CPVL: variants seen among roughly 807,000 people sequenced by gnomAD.
The protein encoded by CPVL is carboxypeptidase vitellogenic like, also known as probable serine carboxypeptidase CPVL.
A neutral mutation model predicts 63.7 loss-of-function variants in CPVL; 51 were observed. That is an observed-to-expected ratio of 0.80 (90% CI 0.64 to 1.01). The LOEUF is 1.01. Ranked by LOEUF, CPVL falls within the 50% of genes least tolerant of loss-of-function variation. CPVL has a pLI of 0.00. For synonymous variants in CPVL, 195 were observed against 206.0 expected, an observed-to-expected ratio of 0.95 and a Z score of 0.46; for missense variants, 530 against 573.1, an observed-to-expected ratio of 0.92 and a Z score of 0.77.
intron 7 of CPVL, among the ~76,000 whole-genome samples, chr7:29,074,638 G>C (rs950395578): frequency 6.6e-6 from 1 of 151,722 alleles, no homozygotes; most frequent in African/African-American, 2.4e-5. Flanking sequence ...GGATCATGGG[G>C]GCAGTTTCCC....
chr7:29,172,621 A>G (rs1796749108), intron 5 of CPVL, among the ~76,000 whole-genome samples: 1 of 152,234 alleles, frequency 6.6e-6, no homozygotes, highest in Non-Finnish European at 1.5e-5. Flanking sequence ...AAAGCTTAGT[A>G]AAGTCCATCT....
intron 12 of CPVL, among the ~76,000 whole-genome samples, chr7:29,000,425 C>T (rs1321779452): frequency 4.0e-5 from 6 of 150,836 alleles, no homozygotes; most frequent in Admixed American, 2.0e-4. Flanking sequence ...ATGCAGGAGG[C>T]GTGGAAATGC....
At chr7:29,010,142 C>T (rs1785663414) in intron 12 of CPVL, 1 of 152,144 alleles carries the variant, frequency 6.6e-6, no homozygotes, top group African/African-American at 2.4e-5. Flanking sequence ...TCTAAGATGA[C>T]AGAGCCGGTG....
intron 12 of CPVL, chr7:29,011,621 C>T (rs1644138915): frequency 6.6e-6 from 1 of 152,134 alleles, no homozygotes; most frequent in African/African-American, 2.4e-5. Flanking sequence ...TGCATCCACA[C>T]ATATACATAG....
intron 5 of CPVL, among the ~76,000 whole-genome samples, chr7:29,176,835 G>A (rs1361569351): frequency 6.6e-6 from 1 of 152,160 alleles, no homozygotes; most frequent in Non-Finnish European, 1.5e-5. Flanking sequence ...GAAAGGGAAA[G>A]CAACCTCTTG....
In CPVL at chr7:29,069,769, AATGTGTGTGTGT is replaced by A. The variant is rs1180920406; in HGVS notation, c.864+1992_864+2003del. ...TCGGCATCCTCTCCACTCACCAGTA[AATGTGTGTGTGT>A]GTGTGTGTGTGTGTGTGTGTGTGTG... On this transcript the variant is annotated intron_variant, in intron 9 of 12. Transcript: ENST00000265394. Among the ~76,000 whole-genome samples, 99 of 114,768 alleles carry A rather than the reference AATGTGTGTGTGT, an allele frequency of 8.6e-4. 1 individual carries two copies. In the Middle Eastern group the frequency reaches 0.027, roughly 31 times the overall value. 75.3% of individuals were successfully genotyped at this position (114,768 alleles called of 152,430 possible). A position where few individuals can be genotyped will look rare whatever the true frequency, so the allele number is the denominator to read the frequency against.
At chr7:29,072,452 A>T (rs746658376) in intron 7 of CPVL, 29 bp from the exon 8 acceptor site, 5 of 1,606,746 alleles carry the variant, frequency 3.1e-6, no homozygotes, top group Non-Finnish European at 4.2e-6. Context: ...GAAATGGCCA[A>T]TCACAAATGG....
chr7:29,146,921 C>T, upstream of CPVL: 1 of 1,551,196 alleles, frequency 6.4e-7, no homozygotes, highest in East Asian at 2.4e-5. Flanking sequence ...AAAAAGGCAA[C>T]ACACGTTCGC....
intron 2 of CPVL, among the ~76,000 whole-genome samples, chr7:29,120,419 C>G (rs1470331230): frequency 1.4e-5 from 2 of 141,468 alleles, no homozygotes; most frequent in Non-Finnish European, 3.2e-5. Context: ...AAGACTCTGT[C>G]TCAAACAAAC....
chr7:29,033,354 C>A lies in CPVL; in HGVS notation c.1138-2595G>T, dbSNP rs317751. ...GCTGAGCATGAGAAGCAGGTGGGCA[C>A]GGCATAGGGGTGGTCCTGAAGCCCA... On this transcript the variant is annotated intron_variant, in intron 11 of 12. Coordinates refer to ENST00000265394, the MANE Select transcript of CPVL (RefSeq NM_031311.5). Among the ~76,000 whole-genome samples, 1,271 of 152,074 alleles carry A rather than the reference C, an allele frequency of 8.4e-3. 18 individuals are homozygous for A. The highest frequency in any genetic ancestry group is 0.029 in the African/African-American group (1,216 of 41,452).
intron 3 of CPVL, among the ~76,000 whole-genome samples, chr7:29,106,832 CACA>C (rs1466093503): frequency 6.6e-6 from 1 of 152,164 alleles, no homozygotes; most frequent in Non-Finnish European, 1.5e-5. Context: ...TCTAATGCCG[CACA>C]ACATCTCTCC....
chr7:29,174,279 GC>G (rs1281852454), intron 5 of CPVL, among the ~76,000 whole-genome samples: 1 of 152,206 alleles, frequency 6.6e-6, no homozygotes, highest in African/African-American at 2.4e-5. Context: ...CTGGAGGGGG[GC>G]CAGCAATCCC....
chr7:29,019,574 T>A (rs546346911), intron 12 of CPVL, among the ~76,000 whole-genome samples: 65 of 152,348 alleles, frequency 4.3e-4, no homozygotes, highest in African/African-American at 1.5e-3. Flanking sequence ...TTCAATTTTT[T>A]AAATTAAGAG....
At chr7:29,022,961 C>T (rs1320119792) in intron 12 of CPVL, among the ~76,000 whole-genome samples, 1 of 152,268 alleles carries the variant, frequency 6.6e-6, no homozygotes, top group Non-Finnish European at 1.5e-5. Flanking sequence ...TGTCCACTCC[C>T]AGCCTGTTGC....
chr7:29,184,082 G>A (rs1465282685), intron 4 of CPVL, among the ~76,000 whole-genome samples: 5 of 151,840 alleles, frequency 3.3e-5, no homozygotes, highest in Admixed American at 6.6e-5. Flanking sequence ...TGATATCTGA[G>A]TGGGGGTTCT....
chr7:29,168,860 G>A (rs562190517), intron 5 of CPVL, among the ~76,000 whole-genome samples: 10 of 152,332 alleles, frequency 6.6e-5, no homozygotes, highest in East Asian at 1.9e-4. Flanking sequence ...TTACATATGC[G>A]TGTTTACCAC....
At chr7:29,137,114 A>G (rs1278260644) in intron 1 of CPVL, among the ~76,000 whole-genome samples, 4 of 152,226 alleles carry the variant, frequency 2.6e-5, no homozygotes, top group Admixed American at 2.6e-4. Context: ...TGTCTCTCCT[A>G]TTGAGGTGGC....
chr7:29,186,272 T>A (rs1362290496), intron 2 of CPVL, among the ~76,000 whole-genome samples: 1 of 151,810 alleles, frequency 6.6e-6, no homozygotes, highest in Non-Finnish European at 1.5e-5. Flanking sequence ...AATGACAGTA[T>A]CATCATAGGT....
intron 3 of CPVL, among the ~76,000 whole-genome samples, chr7:29,106,448 G>T (rs1458452973): frequency 6.6e-6 from 1 of 152,108 alleles, no homozygotes; most frequent in Non-Finnish European, 1.5e-5. Flanking sequence ...AGTGTCACTG[G>T]ATGTCCCCAC....
Sources: gnomAD v4.1 joint callset for allele counts (sites outside exome capture counted in the v4.1 genomes callset) on GRCh38, gnomAD v4.1.1 for gene constraint, MANE v1.5 for transcripts, NCBI Gene and HGNC (gene_info 2026-07-23, HGNC 2026-07-21) for gene names.